The following TBC1D14 variants were observed in gnomAD, a reference collection of about 807,000 sequenced individuals.
TBC1D14 encodes TBC1 domain family member 14, also known as TBC1 domain family, member 14.
Under a neutral mutation model 79.0 loss-of-function variants are expected in TBC1D14, and 26 were observed. The observed-to-expected ratio is 0.33, with a 90% CI of 0.24 to 0.46. TBC1D14 has a LOEUF of 0.46. TBC1D14 is among the 20% of genes least tolerant of loss of function. The pLI, the probability that TBC1D14 is intolerant of heterozygous loss-of-function variation, is 1.00. For missense variants in TBC1D14, 769 were observed against 887.6 expected (o/e 0.87, Z 1.70); for synonymous variants, 394 against 349.9 (o/e 1.13, Z -1.40).
Position 7,030,408 on chromosome 4 carries a change from T to C in TBC1D14, c.*16T>C, listed in dbSNP as rs773183464. 2 of 1,613,686 alleles carry C rather than the reference T, an allele frequency of 1.2e-6. No individual in the cohort carries two copies. The highest frequency in any genetic ancestry group is 1.7e-6 in the Non-Finnish European group (2 of 1,179,698). ...CCGACACTGAGGCTGCAGCGGGAAT[T>C]CGCACTCGGCACCAATCAGAGCCCC... On this transcript the variant is annotated 3_prime_UTR_variant, in exon 14 of 14. Transcript: ENST00000409757.
At chr4:6,997,991 A>G (rs1428849102) in intron 5 of TBC1D14, among the ~76,000 whole-genome samples, 1 of 152,238 alleles carries the variant, frequency 6.6e-6, no homozygotes, top group Non-Finnish European at 1.5e-5. Flanking sequence ...CTGTATACTT[A>G]AAATGGTAAA....
At chr4:6,987,045 C>A (rs1717908204) in intron 3 of TBC1D14, 425 of 282,758 alleles carry the variant, frequency 1.5e-3, no homozygotes, top group East Asian at 1.9e-3. Flanking sequence ...CCGGTGTTTA[C>A]GGCCGGTGGG....
chr4:6,926,655 G>A (rs183638201), intron 2 of TBC1D14, among the ~76,000 whole-genome samples: 13 of 152,340 alleles, frequency 8.5e-5, no homozygotes, highest in Admixed American at 4.6e-4. Context: ...TCTTAAAAAT[G>A]TTAGAGAAGA....
intron 3 of TBC1D14, among the ~76,000 whole-genome samples, chr4:6,968,611 G>C (rs1302578594): frequency 1.3e-5 from 2 of 152,138 alleles, no homozygotes; most frequent in African/African-American, 4.8e-5. Context: ...GCAGGGCCAG[G>C]CAGGTAGTGG....
Position 6,923,975 on chromosome 4 carries a change from G to A in TBC1D14, c.586G>A (p.Asp196Asn), listed in dbSNP as rs567438557. The stretch of plus-strand genomic sequence containing the variant: ...TGCCATTGTGACCCTGGAGAATGAC[G>A]ATGACCCACAGTTTACCAACGTCAC... ...SSAIVTLENDDDPQFTNVTLS... is the reference protein window; with the variant it reads ...SSAIVTLENDNDPQFTNVTLS... Residue 196 changes from aspartate (D) to asparagine (N), a missense_variant, in exon 2 of 14, where the codon GAT (aspartate) becomes AAT (asparagine). Around this residue, in one of 2 missense-constraint regions of TBC1D14, gnomAD observed 402 missense variants for 393.2 expected, o/e 1.02. Coordinates refer to ENST00000409757, the MANE Select transcript of TBC1D14 (RefSeq NM_020773.3). The A allele has an allele frequency of 2.4e-5, 39 of 1,614,136 alleles. No individual in the cohort carries two copies. The South Asian group carries it at 2.9e-4, about 12-fold the overall frequency.
intron 12 of TBC1D14, 68 bp from the exon 13 acceptor site, chr4:7,024,936 G>C: frequency 6.3e-7 from 1 of 1,585,542 alleles, no homozygotes; most frequent in Non-Finnish European, 8.6e-7. Flanking sequence ...GAATCAGACT[G>C]GAATTCACTG....
rs752958526 is a variant in TBC1D14, at chr4:7,010,630, C to T, written c.1519-23C>T. On this transcript the variant is annotated intron_variant, in intron 10 of 13. Transcript: ENST00000409757. Reference sequence around the variant, plus strand: ...GACCCTGTGGCCACTGTGATTTTAACGTGCCTTTCTCTCCTCTCTCAGGTC... The same window carrying T: ...GACCCTGTGGCCACTGTGATTTTAATGTGCCTTTCTCTCCTCTCTCAGGTC... The T allele has an allele frequency of 3.1e-5, 50 of 1,605,246 alleles. No homozygotes were observed. The Admixed American group carries it at 5.2e-4, about 17-fold the overall frequency.
intron 13 of TBC1D14, among the ~76,000 whole-genome samples, chr4:7,025,841 G>C (rs1273207359): frequency 1.3e-5 from 2 of 152,190 alleles, no homozygotes; most frequent in Non-Finnish European, 2.9e-5. Context: ...TTTCCCTCCA[G>C]GCATCCCTCC....
intron 3 of TBC1D14, among the ~76,000 whole-genome samples, chr4:6,974,025 T>C (rs560519356): frequency 6.6e-6 from 1 of 152,218 alleles, no homozygotes; most frequent in Non-Finnish European, 1.5e-5. Flanking sequence ...GGTTTCATCA[T>C]GTTGGCCAGG....
intron 13 of TBC1D14, among the ~76,000 whole-genome samples, chr4:7,025,755 G>T (rs1722302001): frequency 1.3e-5 from 2 of 152,318 alleles, no homozygotes; most frequent in South Asian, 4.1e-4. Context: ...GTCCCTCCTG[G>T]GTCTTCCCAT....
At chr4:6,937,703 C>T (rs1271584040) in intron 2 of TBC1D14, among the ~76,000 whole-genome samples, 1 of 152,118 alleles carries the variant, frequency 6.6e-6, no homozygotes, top group Non-Finnish European at 1.5e-5. Flanking sequence ...TGTCTTTGAG[C>T]TAAGTGTGTA....
intron 5 of TBC1D14, 152 bp downstream of exon 5, chr4:6,996,559 G>A: frequency 6.3e-6 from 4 of 639,368 alleles, no homozygotes; most frequent in Non-Finnish European, 1.1e-5. Context: ...AGATGCATGC[G>A]GAAAGCCCCC....
intron 12 of TBC1D14, among the ~76,000 whole-genome samples, chr4:7,016,731 T>C (rs1721322857): frequency 1.3e-5 from 2 of 152,268 alleles, no homozygotes; most frequent in Non-Finnish European, 2.9e-5. Context: ...TACTTTGTTC[T>C]ATTTATTCCA....
At chr4:6,971,828 G>A (rs543060902) in intron 3 of TBC1D14, among the ~76,000 whole-genome samples, 4 of 152,274 alleles carry the variant, frequency 2.6e-5, no homozygotes, top group African/African-American at 7.2e-5. Context: ...AAGAACTATC[G>A]GTATGCAGGA....
At chr4:6,996,834 G>A (rs1447720480) in intron 5 of TBC1D14, among the ~76,000 whole-genome samples, 9 of 152,236 alleles carry the variant, frequency 5.9e-5, no homozygotes, top group Non-Finnish European at 7.3e-5. Flanking sequence ...TTGAACTGAC[G>A]TGAGAAAAGT....
intron 7 of TBC1D14, among the ~76,000 whole-genome samples, chr4:7,004,529 C>T (rs9992991): frequency 0.062 from 9,497 of 152,210 alleles, 655 homozygotes; most frequent in African/African-American, 0.18. Context: ...ACCGTCTTGC[C>T]CCAGGGATCT....
In TBC1D14 at chr4:6,951,567, A is replaced by G. The variant is rs148214673; in HGVS notation, c.723-15737A>G. Among the ~76,000 whole-genome samples the G allele has an allele frequency of 1.1e-3, 161 of 152,352 alleles. 1 individual carries two copies. Among genetic ancestry groups the G allele is most frequent in the African/African-American group, 3.8e-3 (156 of 41,592 alleles). On this transcript the variant is annotated intron_variant, in intron 2 of 13. Coordinates refer to ENST00000409757, the MANE Select transcript of TBC1D14 (RefSeq NM_020773.3). The stretch of plus-strand genomic sequence containing the variant: ...CAAGGGAATTTTTAAAAATGTGTTC[A>G]TGTACTCACCTACACCCCCTCCCTC...
At chr4:7,007,194 G>C (rs1273090352) in intron 9 of TBC1D14, among the ~76,000 whole-genome samples, 1 of 152,212 alleles carries the variant, frequency 6.6e-6, no homozygotes, top group Admixed American at 6.5e-5. Context: ...CCAAGCCGGG[G>C]TGACAGGTTT....
chr4:6,993,853 TAAA>T (rs1718745679), intron 3 of TBC1D14, among the ~76,000 whole-genome samples: 1 of 152,000 alleles, frequency 6.6e-6, no homozygotes, highest in Admixed American at 6.6e-5. Flanking sequence ...CTACTAAAAA[TAAA>T]AAAATTAGCC....
Sources: allele counts gnomAD v4.1 joint callset (sites outside exome capture counted in the v4.1 genomes callset), GRCh38; gene constraint gnomAD v4.1.1; regional missense constraint gnomAD v4.1.1; transcripts MANE v1.5; gene names NCBI Gene and HGNC (gene_info 2026-07-23, HGNC 2026-07-21).